The following MECOM variants were observed in gnomAD, a reference collection of about 807,000 sequenced individuals.
The protein encoded by MECOM is MDS1 and EVI1 complex locus.
In MECOM, 13 loss-of-function variants were observed where a neutral mutation model predicts 116.3. That is an observed-to-expected ratio of 0.11 (90% CI 0.07 to 0.18). The LOEUF (loss-of-function observed/expected upper bound fraction) is 0.18. MECOM is among the 10% of genes least tolerant of loss of function. The pLI is 1.00. For synonymous variants in MECOM, 528 were observed against 535.2 expected, an observed-to-expected ratio of 0.99 and a Z score of 0.19; for missense variants, 1,299 against 1,509.0, an observed-to-expected ratio of 0.86 and a Z score of 2.31.
At chr3:169,323,663 A>C (rs1721300277) in intron 2 of MECOM, among the ~76,000 whole-genome samples, 2 of 152,176 alleles carry the variant, frequency 1.3e-5, no homozygotes, top group Non-Finnish European at 2.9e-5. Flanking sequence ...AAGGACCTGA[A>C]TGTTGCCTCT....
intron 2 of MECOM, among the ~76,000 whole-genome samples, chr3:169,207,395 C>G (rs145246533): frequency 2.6e-5 from 4 of 152,096 alleles, no homozygotes; most frequent in Non-Finnish European, 5.9e-5. Flanking sequence ...AGAGGATAAG[C>G]TATAATTAAT....
intron 2 of MECOM, among the ~76,000 whole-genome samples, chr3:169,185,144 C>G (rs1016441981): frequency 6.6e-6 from 1 of 151,996 alleles, no homozygotes; most frequent in East Asian, 1.9e-4. Context: ...TTAGAGCCTA[C>G]GATAATGATT....
intron 1 of MECOM, among the ~76,000 whole-genome samples, chr3:169,421,426 G>A (rs529215031): frequency 6.6e-6 from 1 of 152,110 alleles, no homozygotes; most frequent in African/African-American, 2.4e-5. Flanking sequence ...CTCCCCATGA[G>A]GCCCATTGCC....
chr3:169,165,351 C>T (rs1258726971), intron 2 of MECOM, among the ~76,000 whole-genome samples: 1 of 152,106 alleles, frequency 6.6e-6, no homozygotes, highest in Admixed American at 6.6e-5. Flanking sequence ...TGCAATATAA[C>T]CAAACATTGC....
At chr3:169,267,863 A>G (rs919317829) in intron 2 of MECOM, among the ~76,000 whole-genome samples, 1 of 152,296 alleles carries the variant, frequency 6.6e-6, no homozygotes, top group East Asian at 1.9e-4. Context: ...GAGATGCAGG[A>G]AAAGGAAGAG....
intron 2 of MECOM, among the ~76,000 whole-genome samples, chr3:169,169,642 A>G (rs74735339): frequency 6.6e-6 from 1 of 151,936 alleles, no homozygotes; most frequent in Non-Finnish European, 1.5e-5. Flanking sequence ...CTTAAAAAAA[A>G]CCTTCAGAAT....
chr3:169,172,784 C>T (rs1315815070), intron 2 of MECOM, among the ~76,000 whole-genome samples: 2 of 152,142 alleles, frequency 1.3e-5, no homozygotes, highest in East Asian at 3.8e-4. Flanking sequence ...GCTGTGCAAG[C>T]TCTACAGCTA....
chr3:169,575,017 A>C (rs1764324620), intron 1 of MECOM, among the ~76,000 whole-genome samples: 1 of 152,176 alleles, frequency 6.6e-6, no homozygotes, highest in Non-Finnish European at 1.5e-5. Context: ...AAAGCAGAAT[A>C]TCGCTAAAAA....
At chr3:169,659,235 C>T (rs953680036) in intron 1 of MECOM, among the ~76,000 whole-genome samples, 2 of 151,978 alleles carry the variant, frequency 1.3e-5, no homozygotes, top group African/African-American at 4.8e-5. Context: ...GCTGGGCTAG[C>T]CGGCAAAAGT....
At chr3:169,434,439 A>T (rs1742287346) in intron 1 of MECOM, among the ~76,000 whole-genome samples, 1 of 143,814 alleles carries the variant, frequency 7.0e-6, no homozygotes, top group Non-Finnish European at 1.6e-5. Context: ...TAAAAAGTTT[A>T]CTGTTTTTTT....
chr3:169,607,284 T>A (rs951602880), intron 1 of MECOM, among the ~76,000 whole-genome samples: 2 of 152,196 alleles, frequency 1.3e-5, no homozygotes, highest in African/African-American at 4.8e-5. Context: ...TAATGAGTCT[T>A]ACTCCAACAG....
intron 1 of MECOM, among the ~76,000 whole-genome samples, chr3:169,523,435 T>A (rs1013523221): frequency 3.7e-4 from 3 of 8,038 alleles, no homozygotes; most frequent in Non-Finnish European, 5.6e-4. Flanking sequence ...TGCAGGTAAT[T>A]TTTTTTTTTT....
intron 1 of MECOM, among the ~76,000 whole-genome samples, chr3:169,429,337 A>C (rs1741220507): frequency 6.6e-6 from 1 of 152,134 alleles, no homozygotes. Flanking sequence ...GAGAAGATTC[A>C]CTTTTTTAAT....
At chr3:169,459,616 T>C (rs1747081578) in intron 1 of MECOM, among the ~76,000 whole-genome samples, 1 of 152,236 alleles carries the variant, frequency 6.6e-6, no homozygotes, top group African/African-American at 2.4e-5. Context: ...ATTTAAATGA[T>C]AACTGTTTAT....
chr3:169,122,267 C>A (rs927740814), intron 6 of MECOM, among the ~76,000 whole-genome samples: 1 of 152,158 alleles, frequency 6.6e-6, no homozygotes, highest in Non-Finnish European at 1.5e-5. Flanking sequence ...AATTTTCATT[C>A]TCCGCAAGGC....
intron 1 of MECOM, among the ~76,000 whole-genome samples, chr3:169,444,239 A>G (rs535577317): frequency 6.6e-6 from 1 of 152,256 alleles, no homozygotes; most frequent in Non-Finnish European, 1.5e-5. Context: ...GTGTCACAAC[A>G]TAGCCCATCC....
chr3:169,500,290 G>A (rs1196107787), intron 1 of MECOM, among the ~76,000 whole-genome samples: 2 of 151,934 alleles, frequency 1.3e-5, no homozygotes, highest in East Asian at 1.9e-4. Flanking sequence ...AGTGGATTAG[G>A]CAATCAAATA....
At chr3:169,371,312 A>G (rs1317003476) in intron 2 of MECOM, among the ~76,000 whole-genome samples, 1 of 152,002 alleles carries the variant, frequency 6.6e-6, no homozygotes, top group African/African-American at 2.4e-5. Flanking sequence ...AAAGTAAAAA[A>G]TGATAGGAAC....
intron 10 of MECOM, among the ~76,000 whole-genome samples, chr3:169,106,723 G>A (rs1450861939): frequency 6.6e-6 from 1 of 152,090 alleles, no homozygotes; most frequent in African/African-American, 2.4e-5. Context: ...CACCTAACAA[G>A]AGAGCTATTG....
Sources: gnomAD v4.1 joint callset for allele counts (sites outside exome capture counted in the v4.1 genomes callset) on GRCh38, gnomAD v4.1.1 for gene constraint, MANE v1.5 for transcripts, NCBI Gene and HGNC (gene_info 2026-07-23, HGNC 2026-07-21) for gene names.